The following NCAM2 variants were observed in gnomAD, a reference collection of about 807,000 sequenced individuals.
The protein encoded by NCAM2 is neural cell adhesion molecule 2.
In NCAM2, 30 loss-of-function variants were observed where a neutral mutation model predicts 98.1. The ratio of observed to expected loss-of-function variants is 0.31; its 90% CI spans 0.23 to 0.41. The LOEUF (loss-of-function observed/expected upper bound fraction) is 0.41, where lower values mean the gene tolerates loss of function less well. Among genes scored for constraint, NCAM2 ranks in the 10% least tolerant of loss-of-function variants. The pLI, the probability that NCAM2 is intolerant of heterozygous loss-of-function variation, is 1.00. For synonymous variants in NCAM2, 368 were observed against 342.4 expected (o/e 1.07, Z -0.83); for missense variants, 867 against 1,005.8 (o/e 0.86, Z 1.87).
chr21:21,527,753 A>G (rs1416544350), intron 16 of NCAM2, among the ~76,000 whole-genome samples: 1 of 152,198 alleles, frequency 6.6e-6, no homozygotes, highest in African/African-American at 2.4e-5. Context: ...GCTGATGGAA[A>G]TGCAGTGATA....
intron 16 of NCAM2, among the ~76,000 whole-genome samples, chr21:21,528,639 A>G (rs968036140): frequency 1.4e-4 from 22 of 152,318 alleles, no homozygotes; most frequent in Non-Finnish European, 2.5e-4. Flanking sequence ...GTAACAGTGA[A>G]TACCTGTACG....
At chr21:21,195,090 G>A (rs2068958343) in intron 1 of NCAM2, among the ~76,000 whole-genome samples, 1 of 152,122 alleles carries the variant, frequency 6.6e-6, no homozygotes, top group African/African-American at 2.4e-5. Flanking sequence ...TAAGATTAGG[G>A]AATGAGTGTT....
At chr21:21,362,644 A>G (rs2075678008) in intron 8 of NCAM2, among the ~76,000 whole-genome samples, 2 of 152,190 alleles carry the variant, frequency 1.3e-5, no homozygotes, top group South Asian at 4.1e-4. Context: ...CTTCAGTGGT[A>G]ATTTATCCAT....
intron 1 of NCAM2, among the ~76,000 whole-genome samples, chr21:21,120,570 G>A (rs1017512246): frequency 6.6e-6 from 1 of 152,010 alleles, no homozygotes; most frequent in Non-Finnish European, 1.5e-5. Flanking sequence ...ACGCTGCTTC[G>A]GCAGAGCCCC....
At chr21:21,468,946 A>AT (rs892857710) in intron 14 of NCAM2, among the ~76,000 whole-genome samples, 163 bp downstream of exon 14, 4 of 151,388 alleles carry the variant, frequency 2.6e-5, no homozygotes, top group East Asian at 2.0e-4. Flanking sequence ...ATTTTTTTTT[A>AT]TTTTTTTTGT....
chr21:21,318,085 A>G (rs2074271281), intron 5 of NCAM2, among the ~76,000 whole-genome samples: 1 of 152,204 alleles, frequency 6.6e-6, no homozygotes, highest in Non-Finnish European at 1.5e-5. Context: ...GCACACAGAT[A>G]CATGGTTGGA....
At chr21:21,087,682 A>G (rs2065931406) in intron 1 of NCAM2, among the ~76,000 whole-genome samples, 1 of 152,200 alleles carries the variant, frequency 6.6e-6, no homozygotes, top group Non-Finnish European at 1.5e-5. Context: ...GGTCACAGAC[A>G]GGAATGGGCA....
rs555649794 is a variant in NCAM2 at position 21,019,632 on chromosome 21, TA to T, written c.55+21015del. On this transcript the variant is annotated intron_variant, in intron 1 of 17. Transcript: ENST00000400546. ...TATTACAATAGAGCCAATTTATAAT[TA>T]TTTTTTTTATTATTTATTTTCCAAG... Among the ~76,000 whole-genome samples the T allele has an allele frequency of 3.2e-4, 49 of 152,242 alleles. 2 individuals are homozygous for T. The South Asian group carries it at 8.3e-3, about 26-fold the overall frequency.
At chr21:21,395,243 A>G (rs1455948482) in intron 9 of NCAM2, among the ~76,000 whole-genome samples, 1 of 152,192 alleles carries the variant, frequency 6.6e-6, no homozygotes, top group African/African-American at 2.4e-5. Flanking sequence ...CTGAGGTAGG[A>G]GAATCACTTG....
intron 15 of NCAM2, among the ~76,000 whole-genome samples, chr21:21,480,366 C>CAAAAAAAAAAAAAAAAAAA (rs59203448): frequency 8.6e-5 from 6 of 69,940 alleles, no homozygotes; most frequent in African/African-American, 3.6e-4. Context: ...GACTCCATCT[C>CAAAAAAAAAAAAAAAAAAA]AAAAAAAAAA....
chr21:21,127,320 A>G (rs1232754485), intron 1 of NCAM2, among the ~76,000 whole-genome samples: 2 of 151,968 alleles, frequency 1.3e-5, no homozygotes, highest in Non-Finnish European at 2.9e-5. Context: ...AAATTTATTT[A>G]TTTTATTTTT....
At chr21:21,061,726 A>G (rs2065327771) in intron 1 of NCAM2, among the ~76,000 whole-genome samples, 1 of 152,154 alleles carries the variant, frequency 6.6e-6, no homozygotes, top group Non-Finnish European at 1.5e-5. Context: ...ATTTTAACAC[A>G]TAGATATGTC....
chr21:21,037,701 G>A (rs1049098125), intron 1 of NCAM2, among the ~76,000 whole-genome samples: 2 of 152,108 alleles, frequency 1.3e-5, no homozygotes, highest in African/African-American at 2.4e-5. Context: ...ACATATTACT[G>A]GAATTTGGAT....
intron 1 of NCAM2, among the ~76,000 whole-genome samples, chr21:21,208,867 A>T (rs2069540918): frequency 6.6e-6 from 1 of 152,082 alleles, no homozygotes; most frequent in Admixed American, 6.6e-5. Context: ...TATATTTATA[A>T]ATATTTTCTT....
intron 1 of NCAM2, among the ~76,000 whole-genome samples, chr21:21,076,599 AT>A (rs1234751994): frequency 3.9e-5 from 6 of 151,948 alleles, no homozygotes; most frequent in Non-Finnish European, 4.4e-5. Flanking sequence ...CACTTTTCTT[AT>A]TTCCTAACAG....
chr21:21,314,723 ACT>A (rs577750195), intron 5 of NCAM2, among the ~76,000 whole-genome samples: 6 of 151,436 alleles, frequency 4.0e-5, no homozygotes, highest in Admixed American at 4.0e-4. Flanking sequence ...ATGTTTGATA[ACT>A]CTCTCTGTCA....
chr21:21,302,253 T>G (rs1274049489), intron 5 of NCAM2, among the ~76,000 whole-genome samples: 1 of 152,100 alleles, frequency 6.6e-6, no homozygotes, highest in Non-Finnish European at 1.5e-5. Context: ...TTTGGGGTCT[T>G]TTATTTGAAT....
chr21:21,255,967 G>A (rs576578177), intron 1 of NCAM2, among the ~76,000 whole-genome samples: 1 of 152,272 alleles, frequency 6.6e-6, no homozygotes, highest in South Asian at 2.1e-4. Context: ...CCTCCTTAGT[G>A]TAAGTCCATG....
chr21:21,085,872 GT>G (rs1256424437), intron 1 of NCAM2, among the ~76,000 whole-genome samples: 1 of 152,176 alleles, frequency 6.6e-6, no homozygotes, highest in Non-Finnish European at 1.5e-5. Flanking sequence ...CAAACAGCAA[GT>G]ATGATTTTTA....
Sources: allele counts gnomAD v4.1 joint callset (sites outside exome capture counted in the v4.1 genomes callset), GRCh38; gene constraint gnomAD v4.1.1; transcripts MANE v1.5; gene names NCBI Gene and HGNC (gene_info 2026-07-23, HGNC 2026-07-21).